EIF4A1: variants seen among roughly 807,000 people sequenced by gnomAD.
EIF4A1 encodes eukaryotic initiation factor 4A-I.
In EIF4A1, 11 loss-of-function variants were observed where a neutral mutation model predicts 53.5. The ratio of observed to expected loss-of-function variants is 0.21; its 90% CI spans 0.13 to 0.34. EIF4A1 has a LOEUF of 0.34. Among genes scored for constraint, EIF4A1 ranks in the 10% least tolerant of loss-of-function variants. The pLI is 1.00. For missense variants in EIF4A1, 213 were observed against 530.8 expected (o/e 0.40, Z 5.88); for synonymous variants, 237 against 186.7 (o/e 1.27, Z -2.20).
chr17:7,576,997 T>C, intron 5 of EIF4A1, 59 bp from the exon 6 acceptor site: 2 of 1,589,388 alleles, frequency 1.3e-6, no homozygotes, highest in South Asian at 1.1e-5. Flanking sequence ...AAGTTGGATA[T>C]ATCTCTCCCA....
intron 5 of EIF4A1, 90 bp downstream of exon 5, chr17:7,576,782 G>T (rs948655413): frequency 6.5e-7 from 1 of 1,550,294 alleles, no homozygotes; most frequent in African/African-American, 1.4e-5. Flanking sequence ...CATTCCCAAG[G>T]ATGCTGGTTT....
intron 5 of EIF4A1, 53 bp downstream of exon 5, chr17:7,576,745 T>G: frequency 6.4e-7 from 1 of 1,566,320 alleles, no homozygotes; most frequent in Non-Finnish European, 8.7e-7. Context: ...TGTGCACGCT[T>G]TCCAGTCTTT....
chr17:7,575,281 C>T (rs779817052), intron 4 of EIF4A1, 23 bp downstream of exon 4: 6 of 1,613,562 alleles, frequency 3.7e-6, no homozygotes, highest in South Asian at 2.2e-5. Flanking sequence ...TCTATTCCCT[C>T]CTTCAGGGCT....
chr17:7,578,294 C>G (rs557979772), intron 10 of EIF4A1, 48 bp from the exon 11 acceptor site: 2 of 1,610,744 alleles, frequency 1.2e-6, no homozygotes, highest in Admixed American at 3.3e-5. Context: ...CTGGCCCTCC[C>G]TGGGCTTAAA....
chr17:7,575,605 C>CT (rs1183233628), intron 4 of EIF4A1: 1 of 394,538 alleles, frequency 2.5e-6, no homozygotes, highest in Non-Finnish European at 4.8e-6. Context: ...TTCACCCTTG[C>CT]TTAATAGCCA....
intron 9 of EIF4A1, 98 bp downstream of exon 9, chr17:7,578,014 G>A: frequency 6.3e-7 from 1 of 1,580,840 alleles, no homozygotes; most frequent in Non-Finnish European, 8.7e-7. Context: ...TAGCAGCTTG[G>A]AATAGAATCT....
At chr17:7,573,899 G>A (rs992069332) in intron 1 of EIF4A1, 13 of 213,190 alleles carry the variant, frequency 6.1e-5, no homozygotes, top group Non-Finnish European at 1.9e-5. Flanking sequence ...CCAGCGCGCT[G>A]GTGCTGCGGT....
Position 7,577,485 on chromosome 17 carries a change from G to A in EIF4A1, c.766G>A (p.Glu256Lys). 6.2e-7 allele frequency: 1 copy of A among 1,614,172 alleles called. No homozygotes were observed. The highest frequency in any genetic ancestry group is 8.5e-7 in the Non-Finnish European group (1 of 1,180,020). Residue 256 changes from glutamate (E) to lysine (K), a missense_variant and splice_region_variant, in exon 7 of 11, where the codon GAG (glutamate) becomes AAG (lysine). Around this residue, in one of 4 missense-constraint regions of EIF4A1, gnomAD observed 119 missense variants for 351.0 expected, o/e 0.34. Coordinates refer to ENST00000293831, the MANE Select transcript of EIF4A1 (RefSeq NM_001416.4). This position sits in a 1 kb window ranked among gnomAD's most constrained non-coding sequence, Gnocchi z 4.7. ...IRQFYINVER[E>K]EWKLDTLCDL... is the part of the protein sequence containing the mutation. ...CCAGTTCTACATCAACGTGGAACGA[G>A]AGGTGGGGCCCAGTGCAGGAGGCGG...
intron 4 of EIF4A1, chr17:7,575,652 G>A (rs1424029918): frequency 8.8e-6 from 3 of 339,730 alleles, no homozygotes; most frequent in Admixed American, 7.9e-5. Flanking sequence ...CAATTCTAAT[G>A]CTGGACTTTT....
At chr17:7,574,915 C>T in intron 3 of EIF4A1, 1 of 1,015,932 alleles carries the variant, frequency 9.8e-7, no homozygotes, top group Non-Finnish European at 1.5e-6. Context: ...TCTAGTCCAG[C>T]TTGGTGTGCA....
rs764640029 is a variant in EIF4A1, at chr17:7,575,104, A to G, written c.206-15A>G. 6.2e-7 allele frequency: 1 copy of G among 1,611,324 alleles called. No homozygotes were observed. Among genetic ancestry groups the G allele is most frequent in the Middle Eastern group, 2.3e-4 (1 of 4,442 alleles). On this transcript the variant is annotated splice_polypyrimidine_tract_variant and intron_variant, in intron 3 of 10. Coordinates refer to ENST00000293831, the MANE Select transcript of EIF4A1 (RefSeq NM_001416.4). ...ATGCTCTTTACCACATTCAACTCCT[A>G]ATTTATTTGTTTAGGTTATGATGTG...
intron 5 of EIF4A1, 91 bp downstream of exon 5, chr17:7,576,783 A>T (rs2071407202): frequency 1.3e-6 from 2 of 1,549,808 alleles, no homozygotes; most frequent in African/African-American, 1.4e-5. Context: ...ATTCCCAAGG[A>T]TGCTGGTTTC....
chr17:7,573,162 C>G (rs900404364), intron 1 of EIF4A1: 1 of 564,258 alleles, frequency 1.8e-6, no homozygotes, highest in Non-Finnish European at 3.2e-6. Flanking sequence ...GGGTCGCGAC[C>G]TGGCGTGGGA....
In EIF4A1 at chr17:7,578,182, G is replaced by A. The variant is rs752259484; in HGVS notation, c.1014G>A (p.Val338=). 1 of 1,614,172 alleles carries A rather than the reference G, an allele frequency of 6.2e-7. No individual in the cohort carries two copies. The highest frequency in any genetic ancestry group is 1.1e-5 in the South Asian group (1 of 91,086). ...TTDLLARGID[V]QQVSLVINYD... is the part of the protein sequence containing the mutation. The stretch of plus-strand genomic sequence containing the variant: ...TGACGTAGGCCAGAGGCATTGATGT[G>A]CAGCAGGTTTCTTTAGTCATCAACT... Residue 338 remains valine (V), a synonymous_variant, in exon 10 of 11, where the codon GTG becomes GTA. Transcript: ENST00000293831.
chr17:7,574,870 T>G, intron 3 of EIF4A1, 192 bp downstream of exon 3: 1 of 1,105,526 alleles, frequency 9.0e-7, no homozygotes, highest in Non-Finnish European at 1.4e-6. Context: ...GAGGTGGTAT[T>G]GTAGCCAGCT....
chr17:7,576,941 T>C (rs764090971), intron 5 of EIF4A1, 115 bp from the exon 6 acceptor site: 9 of 1,382,302 alleles, frequency 6.5e-6, no homozygotes, highest in Non-Finnish European at 9.3e-6. Flanking sequence ...TCAGTCTTTG[T>C]ACTCTGAGAG....
rs768760841 is a variant in EIF4A1, at chr17:7,574,278, C to T, written c.42C>T (p.Pro14=). The T allele has an allele frequency of 6.2e-7, 1 of 1,614,124 alleles. No individual in the cohort carries two copies. The highest frequency in any genetic ancestry group is 1.1e-5 in the South Asian group (1 of 91,066). The change falls in exon 2 of 11, where the codon CCC becomes CCT. Residue 14 remains proline, a synonymous_variant. Coordinates refer to ENST00000293831, the MANE Select transcript of EIF4A1 (RefSeq NM_001416.4). ...CCAACAGATCCAGAGACAATGGCCC[C>T]GATGGGATGGAGCCCGAAGGCGTCA... ...SQDSRSRDNG[P]DGMEPEGVIE... is the part of the protein sequence containing the mutation.
At chr17:7,574,019 C>T (rs977086078) in intron 1 of EIF4A1, 12 of 540,064 alleles carry the variant, frequency 2.2e-5, no homozygotes, top group Admixed American at 3.3e-5. Flanking sequence ...GCCGGCCTGT[C>T]TTCAGAAAGG....
chr17:7,574,425 G>A (rs547819210), intron 2 of EIF4A1, 117 bp downstream of exon 2: 44 of 1,604,502 alleles, frequency 2.7e-5, no homozygotes, highest in South Asian at 1.1e-5. Flanking sequence ...TTTCCCTAAA[G>A]GGAGGAGGGT....
Sources: gnomAD v4.1 joint callset for allele counts on GRCh38, gnomAD v4.1.1 for gene constraint, gnomAD v4.1.1 regional missense constraint, Gnocchi (gnomAD v3.1) non-coding constraint, MANE v1.5 for transcripts, NCBI Gene and HGNC (gene_info 2026-07-23, HGNC 2026-07-21) for gene names.